The following TAMM41 variants were observed in gnomAD, a reference collection of about 807,000 sequenced individuals.
The protein encoded by TAMM41 is phosphatidate cytidylyltransferase, mitochondrial.
Under a neutral mutation model 44.1 loss-of-function variants are expected in TAMM41, and 36 were observed. The observed-to-expected ratio is 0.82, with a 90% CI of 0.63 to 1.08. TAMM41 has a LOEUF of 1.08. Ranked by LOEUF, TAMM41 falls within the 50% of genes least tolerant of loss-of-function variation. TAMM41 has a pLI of 0.00. For missense variants in TAMM41, 417 were observed against 404.3 expected, an observed-to-expected ratio of 1.03 and a Z score of -0.27; for synonymous variants, 164 against 153.1, an observed-to-expected ratio of 1.07 and a Z score of -0.53.
At chr3:11,833,722 A>G (rs1246729327) in intron 3 of TAMM41, among the ~76,000 whole-genome samples, 2 of 152,238 alleles carry the variant, frequency 1.3e-5, no homozygotes, top group African/African-American at 4.8e-5. Flanking sequence ...CTAGCGGCCC[A>G]AACATTTGCT....
At chr3:11,740,259 A>AT in the TAMM41 span, among the ~76,000 whole-genome samples, 1 of 152,174 alleles carries the variant, frequency 6.6e-6, no homozygotes. Context: ...AGCCCTTAAA[A>AT]TAAAGTCCCA....
At chr3:11,764,756 T>C in the TAMM41 span, among the ~76,000 whole-genome samples, 35,732 of 151,814 alleles carry the variant, frequency 0.24, 4,241 homozygotes, top group East Asian at 0.29. Context: ...TCTCCCAAAG[T>C]GCTGGGATCA....
At chr3:11,771,214 G>T in the TAMM41 span, 1 of 152,392 alleles carries the variant, frequency 6.6e-6, no homozygotes, top group Non-Finnish European at 1.5e-5. Flanking sequence ...TGAACAGGAA[G>T]AGACACTAGG....
chr3:11,825,596 C>T lies in TAMM41; in HGVS notation c.562+4118G>A, dbSNP rs552670422. Among the ~76,000 whole-genome samples the T allele has an allele frequency of 3.9e-5, 6 of 152,318 alleles. No individual in the cohort carries two copies. The South Asian group carries it at 6.2e-4, about 16-fold the overall frequency. ...TTTTCCCCAAGAATCACTCAACTGG[C>T]AACTTCCTCACTGCTTCGTCTTATT... On this transcript the variant is annotated intron_variant, in intron 4 of 7. Coordinates refer to ENST00000455809, the MANE Select transcript of TAMM41 (RefSeq NM_001284401.2).
the TAMM41 span, among the ~76,000 whole-genome samples, chr3:11,773,777 T>C: frequency 6.6e-6 from 1 of 152,174 alleles, no homozygotes; most frequent in East Asian, 1.9e-4. Flanking sequence ...TTGTGGTTCA[T>C]ACAATGAGAA....
At chr3:11,734,941 C>T in the TAMM41 span, among the ~76,000 whole-genome samples, 3 of 148,808 alleles carry the variant, frequency 2.0e-5, no homozygotes, top group Non-Finnish European at 3.0e-5. Context: ...CCCAGCTATT[C>T]GGGGGGCTGA....
the TAMM41 span, among the ~76,000 whole-genome samples, chr3:11,780,733 C>T: frequency 6.6e-6 from 1 of 152,166 alleles, no homozygotes; most frequent in African/African-American, 2.4e-5. Context: ...ATAGTTACCC[C>T]TGTAATTAAG....
At chr3:11,828,193 T>A (rs187179844) in intron 4 of TAMM41, among the ~76,000 whole-genome samples, 2 of 152,262 alleles carry the variant, frequency 1.3e-5, no homozygotes, top group East Asian at 3.9e-4. Flanking sequence ...CTGGGGTAGG[T>A]CTCATACCTA....
chr3:11,747,674 G>C, the TAMM41 span, among the ~76,000 whole-genome samples: 1 of 151,668 alleles, frequency 6.6e-6, no homozygotes, highest in East Asian at 2.0e-4. Context: ...GAGGCTGTGG[G>C]AGGACTGCCT....
chr3:11,797,479 A>G (rs1409697573), intron 7 of TAMM41, among the ~76,000 whole-genome samples: 2 of 152,316 alleles, frequency 1.3e-5, no homozygotes, highest in South Asian at 4.1e-4. Context: ...TCCTCATACC[A>G]TATACAAAAA....
chr3:11,832,169 C>T (rs2079006961), intron 3 of TAMM41, among the ~76,000 whole-genome samples: 2 of 152,040 alleles, frequency 1.3e-5, no homozygotes, highest in Non-Finnish European at 2.9e-5. Context: ...TATAAAAACA[C>T]CTATGCTTAT....
chr3:11,760,767 G>C, the TAMM41 span, among the ~76,000 whole-genome samples: 1 of 151,984 alleles, frequency 6.6e-6, no homozygotes, highest in African/African-American at 2.4e-5. Context: ...CACCATGTTG[G>C]CCAGGCTGGT....
chr3:11,780,017 ATCC>A, the TAMM41 span, among the ~76,000 whole-genome samples: 11 of 152,228 alleles, frequency 7.2e-5, no homozygotes, highest in African/African-American at 2.6e-4. Context: ...ATTCTCAGTG[ATCC>A]TGCCCTGGAC....
the TAMM41 span, among the ~76,000 whole-genome samples, chr3:11,749,696 A>C: frequency 6.6e-6 from 1 of 152,204 alleles, no homozygotes; most frequent in African/African-American, 2.4e-5. Flanking sequence ...GGACACCCAG[A>C]TATGAAGCGG....
chr3:11,803,142 C>T (rs1322937085), intron 7 of TAMM41, among the ~76,000 whole-genome samples: 1 of 152,152 alleles, frequency 6.6e-6, no homozygotes, highest in African/African-American at 2.4e-5. Context: ...CATGGTGATG[C>T]ATGCCTGTAG....
chr3:11,768,803 T>C, the TAMM41 span, among the ~76,000 whole-genome samples: 1 of 152,180 alleles, frequency 6.6e-6, no homozygotes, highest in Admixed American at 6.5e-5. Context: ...AACACATAAA[T>C]ATGTCATTGC....
rs751556705 is a variant in TAMM41 at position 11,844,079 on chromosome 3, T to C, written c.268A>G (p.Asn90Asp). The change falls in exon 2 of 8, where the codon AAC (asparagine) becomes GAC (aspartate). Residue 90 changes from asparagine (N) to aspartate (D), a missense_variant. Coordinates refer to ENST00000455809, the MANE Select transcript of TAMM41 (RefSeq NM_001284401.2). ...TTGTAGTAAACTCCAGCGCCATAGT[T>C]ATTCTGGATGGACGTGATAATCTTG... is the stretch of plus-strand genomic sequence containing the variant. ...GPKIITSIQN[N>D]YGAGVYYNSL... The C allele has an allele frequency of 1.2e-6, 2 of 1,614,184 alleles. No homozygotes were observed. The highest frequency in any genetic ancestry group is 1.7e-6 in the Non-Finnish European group (2 of 1,180,024).
the TAMM41 span, among the ~76,000 whole-genome samples, chr3:11,779,448 A>G: frequency 6.6e-6 from 1 of 152,138 alleles, no homozygotes; most frequent in African/African-American, 2.4e-5. Context: ...CATGACCAAC[A>G]CACCTCTTAC....
chr3:11,790,689 G>T, intron 7 of TAMM41, 108 bp from the exon 8 acceptor site: 1 of 941,602 alleles, frequency 1.1e-6, no homozygotes, highest in Non-Finnish European at 1.7e-6. Context: ...GGCAGTGAGG[G>T]GCTGACCCGT....
Sources: allele counts gnomAD v4.1 joint callset (sites outside exome capture counted in the v4.1 genomes callset), GRCh38; gene constraint gnomAD v4.1.1; transcripts MANE v1.5; gene names NCBI Gene and HGNC (gene_info 2026-07-23, HGNC 2026-07-21).